The following ADAM32 variants were observed in gnomAD, a reference collection of about 807,000 sequenced individuals.
ADAM32 encodes the protein disintegrin and metalloproteinase domain-containing protein 32.
Under a neutral mutation model 114.9 loss-of-function variants are expected in ADAM32, and 89 were observed. That is an observed-to-expected ratio of 0.77 (90% CI 0.65 to 0.92). The LOEUF is 0.92. Among genes scored for constraint, ADAM32 ranks in the 40% least tolerant of loss-of-function variants. ADAM32 has a pLI of 0.00. For missense variants in ADAM32, 870 were observed against 932.8 expected, an observed-to-expected ratio of 0.93 and a Z score of 0.88; for synonymous variants, 285 against 307.5, an observed-to-expected ratio of 0.93 and a Z score of 0.77.
intron 22 of ADAM32, among the ~76,000 whole-genome samples, chr8:39,279,456 G>A (rs906698001): frequency 6.6e-6 from 1 of 152,108 alleles, no homozygotes; most frequent in African/African-American, 2.4e-5. Context: ...GCTAATTTTT[G>A]TAGTTTTAGT....
chr8:39,269,659 G>A (rs7840715), intron 19 of ADAM32, among the ~76,000 whole-genome samples: 4,129 of 152,170 alleles, frequency 0.027, 214 homozygotes, highest in African/African-American at 0.094. Context: ...CTCTTGCTGC[G>A]TGAATTCATG....
intron 3 of ADAM32, among the ~76,000 whole-genome samples, chr8:39,137,503 C>T (rs934758683): frequency 4.6e-5 from 7 of 152,054 alleles, no homozygotes; most frequent in African/African-American, 1.4e-4. Context: ...CGGTGGCTTT[C>T]GTCTGTAATC....
chr8:39,147,924 C>G (rs138421553), intron 4 of ADAM32, among the ~76,000 whole-genome samples: 38 of 152,208 alleles, frequency 2.5e-4, no homozygotes, highest in African/African-American at 8.2e-4. Flanking sequence ...CAGGCATGCA[C>G]CACCATGCCC....
chr8:39,284,720 T>G, intron 24 of ADAM32, 73 bp from the exon 25 acceptor site: 11 of 1,554,804 alleles, frequency 7.1e-6, no homozygotes, highest in Non-Finnish European at 9.7e-6. Context: ...TGGCAATACC[T>G]CAGCTGCTTG....
At chr8:39,111,121 C>G (rs1024126939) in intron 1 of ADAM32, among the ~76,000 whole-genome samples, 1 of 152,122 alleles carries the variant, frequency 6.6e-6, no homozygotes, top group Non-Finnish European at 1.5e-5. Flanking sequence ...TATATTCACC[C>G]GTTTGTTTAC....
At chr8:39,154,961 C>A (rs1182408733) in intron 6 of ADAM32, among the ~76,000 whole-genome samples, 1 of 151,720 alleles carries the variant, frequency 6.6e-6, no homozygotes, top group African/African-American at 2.4e-5. Flanking sequence ...GGGTAGATTG[C>A]AAAAATTTTC....
chr8:39,277,747 T>C (rs2129451615), intron 22 of ADAM32, among the ~76,000 whole-genome samples: 1 of 152,320 alleles, frequency 6.6e-6, no homozygotes, highest in African/African-American at 2.4e-5. Context: ...CAGCCAGCAC[T>C]TTTGGGCGCC....
At chr8:39,260,740 T>C (rs1162631471) in intron 19 of ADAM32, among the ~76,000 whole-genome samples, 1 of 152,114 alleles carries the variant, frequency 6.6e-6, no homozygotes, top group East Asian at 1.9e-4. Flanking sequence ...CTAACTTTGG[T>C]ATCAGAGTAA....
At chr8:39,147,999 G>A (rs1296676710) in intron 4 of ADAM32, among the ~76,000 whole-genome samples, 1 of 151,984 alleles carries the variant, frequency 6.6e-6, no homozygotes, top group Admixed American at 6.6e-5. Context: ...GGCTTGTCTC[G>A]AACCCCTGAC....
chr8:39,212,186 T>C (rs529484270), intron 12 of ADAM32, among the ~76,000 whole-genome samples: 1 of 151,952 alleles, frequency 6.6e-6, no homozygotes, highest in Non-Finnish European at 1.5e-5. Context: ...CTGGCTAAGT[T>C]TGTATTTTTA....
chr8:39,222,168 T>C (rs1809016139), intron 13 of ADAM32, among the ~76,000 whole-genome samples: 1 of 152,032 alleles, frequency 6.6e-6, no homozygotes, highest in African/African-American at 2.4e-5. Flanking sequence ...TTGAACTTAT[T>C]ATTCAAAGAT....
intron 14 of ADAM32, among the ~76,000 whole-genome samples, chr8:39,231,324 T>G (rs1348301640): frequency 6.6e-6 from 1 of 152,102 alleles, no homozygotes; most frequent in Non-Finnish European, 1.5e-5. Flanking sequence ...AGCAGACAGC[T>G]AGTAAAGCTA....
intron 13 of ADAM32, among the ~76,000 whole-genome samples, chr8:39,222,231 G>A (rs972226745): frequency 3.9e-5 from 6 of 151,968 alleles, no homozygotes; most frequent in South Asian, 2.1e-4. Flanking sequence ...ATTGACTCCT[G>A]TTTTCTGTTT....
At chr8:39,116,409 C>A (rs1840374709) in intron 1 of ADAM32, among the ~76,000 whole-genome samples, 1 of 152,142 alleles carries the variant, frequency 6.6e-6, no homozygotes. Flanking sequence ...TCTCTGATTT[C>A]TTTGAGCAGT....
At chr8:39,140,804 C>A (rs545103585) in intron 3 of ADAM32, among the ~76,000 whole-genome samples, 15 of 152,194 alleles carry the variant, frequency 9.9e-5, no homozygotes, top group Non-Finnish European at 1.2e-4. Context: ...TGTGGGTAGG[C>A]TATTAATTAT....
At chr8:39,180,052 G>C (rs1805755352) in intron 10 of ADAM32, among the ~76,000 whole-genome samples, 1 of 152,196 alleles carries the variant, frequency 6.6e-6, no homozygotes. Flanking sequence ...TGCACTGTGG[G>C]AGCCCCTTTC....
intron 11 of ADAM32, among the ~76,000 whole-genome samples, chr8:39,193,595 G>T (rs1447344454): frequency 6.6e-6 from 1 of 152,174 alleles, no homozygotes; most frequent in Non-Finnish European, 1.5e-5. Context: ...AGTTGTCCGA[G>T]TTCTTCCGCT....
chr8:39,278,096 G>C (rs535843982), intron 22 of ADAM32, among the ~76,000 whole-genome samples: 1 of 152,142 alleles, frequency 6.6e-6, no homozygotes. Flanking sequence ...AGCTGAAAAG[G>C]GGATGGGCAG....
chr8:39,155,079 A>G (rs1804063158), intron 6 of ADAM32, among the ~76,000 whole-genome samples: 1 of 152,142 alleles, frequency 6.6e-6, no homozygotes, highest in African/African-American at 2.4e-5. Flanking sequence ...ACGTATCTCA[A>G]AATAATAAGA....
Sources: gnomAD v4.1 joint callset for allele counts (sites outside exome capture counted in the v4.1 genomes callset) on GRCh38, gnomAD v4.1.1 for gene constraint, MANE v1.5 for transcripts, NCBI Gene and HGNC (gene_info 2026-07-23, HGNC 2026-07-21) for gene names.